LASP1: variants seen among roughly 807,000 people sequenced by gnomAD.
LASP1 encodes the protein LIM and SH3 protein 1, also known as LIM and SH3 domain protein 1.
Under a neutral mutation model 38.6 loss-of-function variants are expected in LASP1, and 10 were observed. The ratio of observed to expected loss-of-function variants is 0.26; its 90% CI spans 0.16 to 0.44. The LOEUF (loss-of-function observed/expected upper bound fraction) is 0.44, where lower values mean the gene tolerates loss of function less well. Among genes scored for constraint, LASP1 ranks in the 20% least tolerant of loss-of-function variants. The probability of loss-of-function intolerance (pLI) is 1.00; values close to 1 mark genes in which losing one functional copy is unlikely to be tolerated. For missense variants in LASP1, 243 were observed against 375.7 expected (o/e 0.65, Z 2.92); for synonymous variants, 132 against 140.8 (o/e 0.94, Z 0.44).
intron 3 of LASP1, among the ~76,000 whole-genome samples, chr17:38,897,435 G>A (rs1914519736): frequency 6.6e-6 from 1 of 152,250 alleles, no homozygotes; most frequent in South Asian, 2.1e-4. Context: ...GCAGCTGGTG[G>A]GGTCTGGAAC....
intron 1 of LASP1, 54 bp downstream of exon 1, chr17:38,870,312 C>A: frequency 6.3e-7 from 1 of 1,589,552 alleles, no homozygotes; most frequent in South Asian, 1.1e-5. Context: ...TGCTCCGAAT[C>A]CAGGGAGGAG....
chr17:38,878,604 AC>A, intron 2 of LASP1, among the ~76,000 whole-genome samples: 1 of 152,162 alleles, frequency 6.6e-6, no homozygotes, highest in East Asian at 1.9e-4. Flanking sequence ...TGTTCTGTTT[AC>A]CTTCCCTTAT....
chr17:38,914,496 T>G, intron 5 of LASP1, 21 bp downstream of exon 5: 2 of 1,577,668 alleles, frequency 1.3e-6, no homozygotes, highest in Non-Finnish European at 1.7e-6. Flanking sequence ...GTCCTGTTGG[T>G]GCAGATGACC....
chr17:38,890,362 C>A, intron 2 of LASP1, 58 bp from the exon 3 acceptor site: 1 of 1,510,400 alleles, frequency 6.6e-7, no homozygotes, highest in South Asian at 1.1e-5. Context: ...TGTGAGAAGC[C>A]CAGAGGCTCC....
chr17:38,912,293 T>C (rs1914976704), intron 4 of LASP1, among the ~76,000 whole-genome samples: 1 of 152,050 alleles, frequency 6.6e-6, no homozygotes, highest in Non-Finnish European at 1.5e-5. Flanking sequence ...GATGTGAAAG[T>C]GTGGGCCTTA....
intron 2 of LASP1, among the ~76,000 whole-genome samples, chr17:38,887,067 G>A (rs1914160787): frequency 6.6e-6 from 1 of 152,202 alleles, no homozygotes; most frequent in Admixed American, 6.5e-5. Flanking sequence ...TCTGGCCAAT[G>A]AGAAACCCCA....
chr17:38,920,361 C>G lies in LASP1; in HGVS notation c.*1583C>G, dbSNP rs762905025. ...GAAAGAGGGTCCCAGGGCTGCAAAA[C>G]TGGAAGCACAGCCTCGGGGATGGGG... On this transcript the variant is annotated 3_prime_UTR_variant, in exon 7 of 7. Transcript: ENST00000318008. 7.8e-4 allele frequency: 269 copies of G among 346,250 alleles called. 1 individual carries two copies. The highest frequency in any genetic ancestry group is 1.3e-3 in the Non-Finnish European group (241 of 178,864). The allele number at this position is 346,250 out of a possible 1,614,324, so 21.4% of individuals were successfully genotyped here.
intron 4 of LASP1, among the ~76,000 whole-genome samples, chr17:38,906,388 G>A (rs57706809): frequency 0.043 from 6,528 of 152,178 alleles, 364 homozygotes; most frequent in African/African-American, 0.13. Context: ...AAATAGCTGG[G>A]CATGGTGGTG....
chr17:38,884,771 A>G (rs1598107344), intron 2 of LASP1, among the ~76,000 whole-genome samples: 2 of 134,546 alleles, frequency 1.5e-5, no homozygotes, highest in Admixed American at 7.5e-5. Context: ...GCTCACTACA[A>G]CCTCCGCTTC....
chr17:38,874,603 C>T (rs1913706241), intron 1 of LASP1, among the ~76,000 whole-genome samples: 1 of 152,176 alleles, frequency 6.6e-6, no homozygotes, highest in African/African-American at 2.4e-5. Flanking sequence ...GAACGGCCTC[C>T]TCTCCTGACC....
intron 3 of LASP1, among the ~76,000 whole-genome samples, chr17:38,892,884 G>C (rs550738511): frequency 5.5e-4 from 83 of 152,136 alleles, no homozygotes; most frequent in African/African-American, 1.7e-3. Flanking sequence ...TTCCCGGGGG[G>C]GCCTCTTGGG....
Position 38,878,133 on chromosome 17 carries a change from G to T in LASP1, c.117G>T (p.Leu39=). The T allele has an allele frequency of 6.2e-7, 1 of 1,613,946 alleles. No individual in the cohort carries two copies. Among genetic ancestry groups the T allele is most frequent in the Non-Finnish European group, 8.5e-7 (1 of 1,179,898 alleles). ...ATTGCGAGACCTGCAAGATGACACT[G>T]AACATGAAGAACTACAAGGGCTACG... ...CFHCETCKMT[L]NMKNYKGYEK... is the part of the protein sequence containing the mutation. Residue 39 remains leucine (L), a synonymous_variant, in exon 2 of 7, where the codon CTG becomes CTT. Coordinates refer to ENST00000318008, the MANE Select transcript of LASP1 (RefSeq NM_006148.4).
Position 38,899,781 on chromosome 17 carries a change from G to A in LASP1, c.357+1262G>A, listed in dbSNP as rs553692016. 1.6e-4 allele frequency among the ~76,000 whole-genome samples: 23 copies of A among 141,334 alleles called. No individual in the cohort carries two copies. The South Asian group carries it at 5.2e-3, about 32-fold the overall frequency. 92.7% of individuals were successfully genotyped at this position (141,334 alleles called of 152,430 possible). Reference sequence around the variant, plus strand: ...TTTTTTTGAGACAGAGTCTCACTCTGTTGCTCAGGCTGGAGTGCAGTGGTG... The same window carrying A: ...TTTTTTTGAGACAGAGTCTCACTCTATTGCTCAGGCTGGAGTGCAGTGGTG... On this transcript the variant is annotated intron_variant, in intron 4 of 6. Coordinates refer to ENST00000318008, the MANE Select transcript of LASP1 (RefSeq NM_006148.4).
At chr17:38,872,740 C>G (rs1483850644) in intron 1 of LASP1, among the ~76,000 whole-genome samples, 1 of 152,118 alleles carries the variant, frequency 6.6e-6, no homozygotes, top group African/African-American at 2.4e-5. Flanking sequence ...TCTACAATCC[C>G]CCATGGTACT....
intron 2 of LASP1, among the ~76,000 whole-genome samples, chr17:38,887,734 C>G (rs1344734836): frequency 6.6e-6 from 1 of 152,176 alleles, no homozygotes; most frequent in Admixed American, 6.5e-5. Context: ...AAGTCAGTGG[C>G]AGGGCCAGAG....
intron 4 of LASP1, among the ~76,000 whole-genome samples, chr17:38,906,484 G>A (rs1357105164): frequency 2.0e-5 from 3 of 151,894 alleles, no homozygotes; most frequent in Admixed American, 6.6e-5. Context: ...AGCTGAGATC[G>A]CACCACTGCA....
chr17:38,899,043 G>T, intron 4 of LASP1: 1 of 336,898 alleles, frequency 3.0e-6, no homozygotes, highest in South Asian at 2.3e-5. Flanking sequence ...CCTCCCTGAT[G>T]GTCAGTGGCA....
At chr17:38,896,418 C>CTA (rs918967313) in intron 3 of LASP1, among the ~76,000 whole-genome samples, 2 of 152,196 alleles carry the variant, frequency 1.3e-5, no homozygotes, top group Non-Finnish European at 2.9e-5. Context: ...CCCCTCACCC[C>CTA]TACCCTCTGT....
intron 2 of LASP1, among the ~76,000 whole-genome samples, chr17:38,883,757 T>C (rs1262102471): frequency 6.3e-4 from 73 of 115,230 alleles, no homozygotes; most frequent in African/African-American, 1.9e-3. Context: ...TTTTTTTTTT[T>C]CTTTTCATTT....
Sources: allele counts gnomAD v4.1 joint callset (sites outside exome capture counted in the v4.1 genomes callset), GRCh38; gene constraint gnomAD v4.1.1; transcripts MANE v1.5; gene names NCBI Gene and HGNC (gene_info 2026-07-23, HGNC 2026-07-21).